Variants in MYCBP2 observed in about 807,000 individuals in gnomAD.
MYCBP2 encodes the protein E3 ubiquitin-protein ligase MYCBP2.
In MYCBP2, 120 loss-of-function variants were observed where a neutral mutation model predicts 525.3. The ratio of observed to expected loss-of-function variants is 0.23; its 90% CI spans 0.20 to 0.27. The LOEUF is 0.27. Ranked by LOEUF, MYCBP2 falls within the 10% of genes least tolerant of loss-of-function variation. MYCBP2 has a pLI of 1.00. For missense variants in MYCBP2, 4,149 were observed against 5,657.1 expected (o/e 0.73, Z 8.55); for synonymous variants, 1,894 against 1,955.8 (o/e 0.97, Z 0.83).
intron 35 of MYCBP2, 38 bp from the exon 36 acceptor site, chr13:77,176,666 CTCT>C: frequency 7.0e-7 from 1 of 1,437,748 alleles, no homozygotes; most frequent in Non-Finnish European, 9.3e-7. Context: ...TTCCAACAGA[CTCT>C]TAATTTTATT....
chr13:77,189,813 C>T (rs1463528382), intron 29 of MYCBP2, among the ~76,000 whole-genome samples: 1 of 152,070 alleles, frequency 6.6e-6, no homozygotes, highest in Non-Finnish European at 1.5e-5. Context: ...TGAAAATTTA[C>T]CAACAGTAGG....
intron 1 of MYCBP2, among the ~76,000 whole-genome samples, chr13:77,312,660 CAAAGAAGCAGA>C (rs1233266044): frequency 2.6e-5 from 4 of 151,454 alleles, no homozygotes; most frequent in Non-Finnish European, 5.9e-5. Context: ...AATATAATCC[CAAAGAAGCAGA>C]AAAGGAGGAA....
Position 77,326,759 on chromosome 13 carries a change from G to C in MYCBP2, c.17C>G (p.Ala6Gly). 1 of 1,416,484 alleles carries C rather than the reference G, an allele frequency of 7.1e-7. No homozygotes were observed. Among genetic ancestry groups the C allele is most frequent in the South Asian group, 1.5e-5 (1 of 66,866 alleles). 87.7% of individuals were successfully genotyped at this position (1,416,484 alleles called of 1,614,324 possible). The change falls in exon 1 of 83, where the codon GCG becomes GGG. Residue 6 changes from alanine (A) to glycine (G), a missense_variant. Around this residue, in one of 21 missense-constraint regions of MYCBP2, gnomAD observed 413 missense variants for 451.2 expected, o/e 0.92. Coordinates refer to ENST00000544440, the MANE Select transcript of MYCBP2 (RefSeq NM_015057.5). The surrounding 1 kb of genome is among the most constrained non-coding windows in gnomAD (Gnocchi z 4.2). ...GGAGGCGGCGGCGGGGGAGGCAGTC[G>C]CTGCGCACATCATCATCCTCGCCGC... MMMCA[A>G]TASPAAASSG... is the part of the protein sequence containing the mutation.
At chr13:77,272,237 T>C (rs938324690) in intron 5 of MYCBP2, 2 of 152,254 alleles carry the variant, frequency 1.3e-5, no homozygotes, top group Non-Finnish European at 2.9e-5. Context: ...TGCCTTAGCA[T>C]GTGGATACCT....
At position 77,161,952 on chromosome 13, in the gene MYCBP2, T is replaced by G; in HGVS notation, c.6551A>C (p.Asn2184Thr). The G allele has an allele frequency of 6.2e-7, 1 of 1,600,864 alleles. No individual in the cohort carries two copies. Among genetic ancestry groups the G allele is most frequent in the African/African-American group, 1.3e-5 (1 of 74,516 alleles). ...AATTTCAAGGTCTTCTTCTAATTCA[T>G]TACCTGTTGTGTAAATAAAGAGTTT... ...MKKDLALPIG[N>T]ELEEDLEILE... Residue 2184 changes from asparagine to threonine, a missense_variant, in exon 44 of 83, where the codon AAT becomes ACT. Transcript: ENST00000544440.
chr13:77,310,096 G>C (rs1267164588), intron 1 of MYCBP2, among the ~76,000 whole-genome samples: 1 of 152,134 alleles, frequency 6.6e-6, no homozygotes. Context: ...TGGCAACGGA[G>C]TGAGACTCCG....
At chr13:77,103,976 C>T (rs368779649) in intron 55 of MYCBP2, among the ~76,000 whole-genome samples, 7 of 151,956 alleles carry the variant, frequency 4.6e-5, no homozygotes, top group Admixed American at 2.0e-4. Context: ...ATGTTAGGAA[C>T]GTCAATGATT....
At chr13:77,288,094 T>C (rs1362564604) in intron 3 of MYCBP2, 67 bp downstream of exon 3, 1 of 1,465,078 alleles carries the variant, frequency 6.8e-7, no homozygotes, top group South Asian at 1.2e-5. Context: ...GCAATGCGTA[T>C]ATATGCATTA....
intron 18 of MYCBP2, 136 bp from the exon 19 acceptor site, chr13:77,225,690 A>T (rs1175255487): frequency 9.1e-7 from 1 of 1,099,792 alleles, no homozygotes; most frequent in Non-Finnish European, 1.3e-6. Flanking sequence ...AGCTGTTAGA[A>T]GTGATAGATC....
chr13:77,183,537 A>ATTTT (rs1595209357), intron 32 of MYCBP2, among the ~76,000 whole-genome samples: 4 of 22,870 alleles, frequency 1.7e-4, no homozygotes, highest in African/African-American at 3.6e-4. Flanking sequence ...GATAGTCCCT[A>ATTTT]TTTCTTTTTT....
intron 1 of MYCBP2, among the ~76,000 whole-genome samples, chr13:77,311,465 C>T (rs1478818208): frequency 6.6e-6 from 1 of 151,874 alleles, no homozygotes; most frequent in Non-Finnish European, 1.5e-5. Context: ...CCAACAATGA[C>T]TGGAAGGCAA....
intron 58 of MYCBP2, among the ~76,000 whole-genome samples, chr13:77,094,484 C>G (rs886249886): frequency 2.6e-5 from 4 of 152,150 alleles, no homozygotes; most frequent in African/African-American, 9.7e-5. Flanking sequence ...TCCACTGTTT[C>G]CTCTGCTCAT....
chr13:77,270,927 T>C (rs1006560278), intron 5 of MYCBP2, among the ~76,000 whole-genome samples: 2 of 152,180 alleles, frequency 1.3e-5, no homozygotes, highest in African/African-American at 4.8e-5. Context: ...GATAATTTCT[T>C]CCTCTTTATC....
chr13:77,300,563 G>A (rs1054586528), intron 1 of MYCBP2, among the ~76,000 whole-genome samples: 2 of 152,016 alleles, frequency 1.3e-5, no homozygotes, highest in South Asian at 2.1e-4. Context: ...TTGTTTGCTC[G>A]CCCCAGATCT....
chr13:77,194,355 A>G (rs1595312297), intron 26 of MYCBP2, 111 bp from the exon 27 acceptor site: 1 of 695,214 alleles, frequency 1.4e-6, no homozygotes, highest in East Asian at 2.6e-5. Flanking sequence ...TACCAAATGT[A>G]AAAAATCAGA....
intron 44 of MYCBP2, among the ~76,000 whole-genome samples, chr13:77,158,922 C>A (rs1232340549): frequency 6.6e-6 from 1 of 152,184 alleles, no homozygotes; most frequent in Non-Finnish European, 1.5e-5. Flanking sequence ...GAAGAAGAGG[C>A]AGATAAAACA....
chr13:77,086,564 C>G (rs2044317271), intron 62 of MYCBP2, among the ~76,000 whole-genome samples: 2 of 152,140 alleles, frequency 1.3e-5, no homozygotes. Flanking sequence ...CCTTCTGAAA[C>G]TCCAAGTAGG....
intron 46 of MYCBP2, 31 bp downstream of exon 46, chr13:77,156,027 A>C: frequency 6.2e-7 from 1 of 1,600,374 alleles, no homozygotes; most frequent in Non-Finnish European, 8.5e-7. Context: ...CAGTATATAG[A>C]TGTCTGCTAA....
chr13:77,287,123 G>A (rs1342695168), intron 3 of MYCBP2, among the ~76,000 whole-genome samples: 1 of 150,590 alleles, frequency 6.6e-6, no homozygotes, highest in Non-Finnish European at 1.5e-5. Context: ...TCCTGACCTC[G>A]TGATCCGCCC....
Sources: allele counts gnomAD v4.1 joint callset (sites outside exome capture counted in the v4.1 genomes callset), GRCh38; gene constraint gnomAD v4.1.1; regional missense constraint gnomAD v4.1.1; non-coding constraint Gnocchi (gnomAD v3.1); transcripts MANE v1.5; gene names NCBI Gene and HGNC (gene_info 2026-07-23, HGNC 2026-07-21).